Variants in CNTNAP2 observed in about 807,000 individuals in gnomAD.
The protein encoded by CNTNAP2 is contactin-associated protein-like 2.
A neutral mutation model predicts 155.2 loss-of-function variants in CNTNAP2; 98 were observed. The observed-to-expected ratio is 0.63, with a 90% CI of 0.54 to 0.75. CNTNAP2 has a LOEUF of 0.75. Ranked by LOEUF, CNTNAP2 falls within the 30% of genes least tolerant of loss-of-function variation. The pLI, the probability that CNTNAP2 is intolerant of heterozygous loss-of-function variation, is 0.00. For synonymous variants in CNTNAP2, 651 were observed against 631.2 expected, an observed-to-expected ratio of 1.03 and a Z score of -0.47; for missense variants, 1,727 against 1,688.1, an observed-to-expected ratio of 1.02 and a Z score of -0.40.
intron 3 of CNTNAP2, among the ~76,000 whole-genome samples, chr7:147,002,886 T>C (rs1000692388): frequency 6.8e-6 from 1 of 147,494 alleles, no homozygotes; most frequent in African/African-American, 2.5e-5. Context: ...AGGTTAGGGT[T>C]TCAACAAATA....
At chr7:147,806,077 G>T (rs1286724802) in intron 13 of CNTNAP2, among the ~76,000 whole-genome samples, 1 of 152,174 alleles carries the variant, frequency 6.6e-6, no homozygotes, top group Non-Finnish European at 1.5e-5. Context: ...TACAGAATGG[G>T]AGAAAATATT....
chr7:148,114,888 C>T (rs764976213), intron 15 of CNTNAP2, among the ~76,000 whole-genome samples: 2 of 152,174 alleles, frequency 1.3e-5, no homozygotes, highest in African/African-American at 4.8e-5. Context: ...CCAGTGATCA[C>T]CCTTGGCACC....
chr7:146,505,160 G>A (rs1192217446), intron 1 of CNTNAP2, among the ~76,000 whole-genome samples: 1 of 152,190 alleles, frequency 6.6e-6, no homozygotes, highest in Non-Finnish European at 1.5e-5. Context: ...GTCCATCCAT[G>A]TCCAGTTTTC....
chr7:147,884,216 C>G (rs1462548052), intron 13 of CNTNAP2, among the ~76,000 whole-genome samples: 1 of 152,112 alleles, frequency 6.6e-6, no homozygotes, highest in Non-Finnish European at 1.5e-5. Context: ...CCGGCTGGAA[C>G]AGCGTGAGCA....
chr7:147,824,992 G>A (rs1021133120), intron 13 of CNTNAP2, among the ~76,000 whole-genome samples: 2 of 152,178 alleles, frequency 1.3e-5, no homozygotes, highest in African/African-American at 4.8e-5. Flanking sequence ...GAATTTTACA[G>A]TATTCTGAGG....
rs1262247589 is a variant in CNTNAP2, at chr7:146,898,777, T to C, written c.402+58873T>C. Among the ~76,000 whole-genome samples the C allele has an allele frequency of 2.0e-5, 3 of 151,976 alleles. No homozygotes were observed. The East Asian group carries it at 5.8e-4, about 29-fold the overall frequency. The stretch of plus-strand genomic sequence containing the variant: ...TGACTTGTTTAACCGATTGAGTACA[T>C]GCAATGAAAAAAAAGACACTTTGAC... On this transcript the variant is annotated intron_variant, in intron 3 of 23. Transcript: ENST00000361727.
chr7:148,160,340 G>A (rs940059749), intron 17 of CNTNAP2, among the ~76,000 whole-genome samples: 1 of 151,782 alleles, frequency 6.6e-6, no homozygotes, highest in African/African-American at 2.4e-5. Flanking sequence ...GAACCCAGGA[G>A]GTCATAGCTG....
At chr7:146,419,120 G>A (rs192639752) in intron 1 of CNTNAP2, among the ~76,000 whole-genome samples, 2 of 152,148 alleles carry the variant, frequency 1.3e-5, no homozygotes, top group Admixed American at 1.3e-4. Flanking sequence ...GGTGGACTCA[G>A]GGTTCCACAT....
intron 1 of CNTNAP2, among the ~76,000 whole-genome samples, chr7:146,756,545 C>T (rs955233001): frequency 3.9e-5 from 6 of 151,902 alleles, no homozygotes; most frequent in African/African-American, 1.4e-4. Flanking sequence ...TTATTATCTG[C>T]GCCAGTCACA....
Position 148,146,954 on chromosome 7 carries a change from G to A in CNTNAP2, c.2555-537G>A, listed in dbSNP as rs565398814. On this transcript the variant is annotated intron_variant, in intron 16 of 23. Coordinates refer to ENST00000361727, the MANE Select transcript of CNTNAP2 (RefSeq NM_014141.6). The stretch of plus-strand genomic sequence containing the variant: ...CTAGCTATGTGTTAACATTTCCTGG[G>A]GAGTTTTTTTAAAATACCAGTGCCA... Among the ~76,000 whole-genome samples, 266 of 152,292 alleles carry A rather than the reference G, an allele frequency of 1.7e-3. 1 individual carries two copies. Among genetic ancestry groups the A allele is most frequent in the African/African-American group, 5.7e-3 (235 of 41,548 alleles).
chr7:148,181,046 T>G (rs753572890), intron 18 of CNTNAP2, among the ~76,000 whole-genome samples: 33 of 152,230 alleles, frequency 2.2e-4, no homozygotes, highest in Non-Finnish European at 3.8e-4. Context: ...CCAGGCTCCC[T>G]AGCCTTTGGG....
intron 3 of CNTNAP2, among the ~76,000 whole-genome samples, chr7:146,873,185 T>A (rs896940098): frequency 6.6e-6 from 1 of 152,216 alleles, no homozygotes; most frequent in African/African-American, 2.4e-5. Flanking sequence ...CTATACAAGA[T>A]GTCTGGTTTA....
intron 13 of CNTNAP2, among the ~76,000 whole-genome samples, chr7:147,834,925 T>C (rs147719489): frequency 6.6e-6 from 1 of 152,330 alleles, no homozygotes; most frequent in Non-Finnish European, 1.5e-5. Context: ...TGTTTTATTA[T>C]AATTCAACTG....
At chr7:147,019,651 G>C (rs935748221) in intron 3 of CNTNAP2, among the ~76,000 whole-genome samples, 4 of 151,960 alleles carry the variant, frequency 2.6e-5, no homozygotes, top group African/African-American at 9.7e-5. Flanking sequence ...TTGCATGTAA[G>C]GCAGAAATCT....
intron 21 of CNTNAP2, among the ~76,000 whole-genome samples, chr7:148,316,448 G>A (rs1797691487): frequency 1.3e-5 from 2 of 152,146 alleles, no homozygotes; most frequent in Non-Finnish European, 2.9e-5. Context: ...ACTGCCCACA[G>A]TCATAATTGG....
intron 22 of CNTNAP2, among the ~76,000 whole-genome samples, chr7:148,400,329 G>A (rs1000426994): frequency 3.9e-5 from 6 of 152,152 alleles, no homozygotes; most frequent in African/African-American, 1.2e-4. Flanking sequence ...CCTTCAGACC[G>A]GGGTTTAAAT....
intron 12 of CNTNAP2, among the ~76,000 whole-genome samples, chr7:147,567,502 C>T (rs1333575632): frequency 6.6e-6 from 1 of 151,954 alleles, no homozygotes; most frequent in Non-Finnish European, 1.5e-5. Flanking sequence ...TTCGAAAGCC[C>T]CCGTAGTAAT....
In CNTNAP2 at chr7:147,409,048, C is replaced by T. The variant is rs186576197; in HGVS notation, c.1670+13268C>T. 2.6e-5 allele frequency among the ~76,000 whole-genome samples: 4 copies of T among 152,228 alleles called. No homozygotes were observed. In the East Asian group the frequency reaches 7.7e-4, roughly 29 times the overall value. ...AAACTGGTTTCAGAGTAAGAAAAGG[C>T]TTTAATGAAAGATTGTTATATTCAC... is the stretch of plus-strand genomic sequence containing the variant. On this transcript the variant is annotated intron_variant, in intron 10 of 23. Transcript: ENST00000361727.
At chr7:147,569,961 G>A (rs202022275) in intron 12 of CNTNAP2, among the ~76,000 whole-genome samples, 17 of 152,306 alleles carry the variant, frequency 1.1e-4, no homozygotes, top group African/African-American at 2.2e-4. Context: ...AAAGACTGAC[G>A]TCTCCTATTC....
Sources: gnomAD v4.1 joint callset for allele counts (sites outside exome capture counted in the v4.1 genomes callset) on GRCh38, gnomAD v4.1.1 for gene constraint, MANE v1.5 for transcripts, NCBI Gene and HGNC (gene_info 2026-07-23, HGNC 2026-07-21) for gene names.